Variants in LAMB2 observed in about 807,000 individuals in gnomAD.
LAMB2 encodes laminin subunit beta 2.
LAMB2 carries 119 observed loss-of-function variants against 202.7 expected under a neutral mutation model. The ratio of observed to expected loss-of-function variants is 0.59; its 90% CI spans 0.51 to 0.68. The LOEUF is 0.68. Among genes scored for constraint, LAMB2 ranks in the 30% least tolerant of loss-of-function variants. The pLI, the probability that LAMB2 is intolerant of heterozygous loss-of-function variation, is 0.00. For missense variants in LAMB2, 2,124 were observed against 2,410.6 expected (o/e 0.88, Z 2.49); for synonymous variants, 818 against 902.2 (o/e 0.91, Z 1.67).
Position 49,124,421 on chromosome 3 carries a change from G to C in LAMB2, c.3301C>G (p.Arg1101Gly), listed in dbSNP as rs150234642. Residue 1101 changes from arginine to glycine, a missense_variant, in exon 22 of 32, where the codon CGG (arginine) becomes GGG (glycine). Transcript: ENST00000305544. ...GCQPCACHPS[R>G]ARGPTCNEFT... is the part of the protein sequence containing the mutation. ...TCGTTGCAGGTGGGGCCTCTGGCCC[G>C]GCTTGGGTGGCAGGCACAAGGCTGG... 1.2e-6 allele frequency: 2 copies of C among 1,613,506 alleles called. No homozygotes were observed. The highest frequency in any genetic ancestry group is 1.7e-6 in the Non-Finnish European group (2 of 1,179,922).
At position 49,122,168 on chromosome 3, in the gene LAMB2, C is replaced by T; in HGVS notation, c.4776G>A (p.Arg1592=). The change falls in exon 28 of 32, where the codon CGG becomes CGA. Residue 1592 remains arginine (R), a synonymous_variant. Transcript: ENST00000305544. Reference sequence around the variant, plus strand: ...GGCCAGGGATGGGGTCAGACCTTGCCCGCCGTGCATCCTGCAGTAGCTGCT... The same window carrying T: ...GGCCAGGGATGGGGTCAGACCTTGCTCGCCGTGCATCCTGCAGTAGCTGCT... The part of the protein sequence containing the change: ...RAEQLLQDAR[R]ARSWAEDEKQ... 6.2e-7 allele frequency: 1 copy of T among 1,613,580 alleles called. No homozygotes were observed. Among genetic ancestry groups the T allele is most frequent in the Non-Finnish European group, 8.5e-7 (1 of 1,180,030 alleles).
rs750600086 is a variant in LAMB2 at position 49,124,688 on chromosome 3, C to G, written c.3109+13G>C. On this transcript the variant is annotated intron_variant, in intron 21 of 31. Transcript: ENST00000305544. ...ACCCCAATTCAGCCATGCCCTCCCA[C>G]ACTCATACTCACGGTGACAGCTCTG... The G allele has an allele frequency of 3.7e-6, 6 of 1,614,016 alleles. No homozygotes were observed. Among genetic ancestry groups the G allele is most frequent in the Admixed American group, 1.7e-5 (1 of 60,010 alleles).
At chr3:49,126,273 T>C in intron 16 of LAMB2, 92 bp downstream of exon 16, 1 of 1,605,264 alleles carries the variant, frequency 6.2e-7, no homozygotes, top group Non-Finnish European at 8.5e-7. Flanking sequence ...ACCATGGGCC[T>C]GCCTCTTCTG....
Position 49,128,468 on chromosome 3 carries a change from G to A in LAMB2, c.2008C>T (p.Pro670Ser). ...CACCAGTGCCCTCACCTGGCATGTG[G>A]TTGCAGAGTCCCTTGGATGCGATCA... ...KDDRIQGTLQ[P>S]HARYLIFPNP... Residue 670 changes from proline (P) to serine (S), a missense_variant, in exon 15 of 32, where the codon CCA (proline) becomes TCA (serine). Physicochemically the swap from Pro to Ser is moderately conservative, Grantham distance 74 (BLOSUM62 -1). This residue lies in a region of LAMB2 where 1,702 missense variants were observed against 1,896.3 expected (regional missense o/e 0.90). Transcript: ENST00000305544. 6.2e-7 allele frequency: 1 copy of A among 1,613,986 alleles called. No homozygotes were observed. Among genetic ancestry groups the A allele is most frequent in the South Asian group, 1.1e-5 (1 of 91,064 alleles).
Position 49,123,942 on chromosome 3 carries a change from C to A in LAMB2, c.3583G>T (p.Gly1195Trp), listed in dbSNP as rs137888590. 15 of 1,613,434 alleles carry A rather than the reference C, an allele frequency of 9.3e-6. No individual in the cohort carries two copies. The South Asian group carries it at 1.4e-4, about 15-fold the overall frequency. The change falls in exon 24 of 32, where the codon GGG becomes TGG. Residue 1195 changes from glycine to tryptophan, a missense_variant. Physicochemically the swap from Gly to Trp is radical, Grantham distance 184. Coordinates refer to ENST00000305544, the MANE Select transcript of LAMB2 (RefSeq NM_002292.4). The stretch of plus-strand genomic sequence containing the variant: ...TCCTGCACCACTCGGTCCCAATCCC[C>A]GAAGCATGCATGGCAGGGATGGCAG... The part of the protein sequence containing the change: ...PACHPCHACF[G>W]DWDRVVQDLA...
chr3:49,124,849 C>T lies in LAMB2; in HGVS notation c.2961G>A (p.Glu987=). 1 of 1,614,144 alleles carries T rather than the reference C, an allele frequency of 6.2e-7. No individual in the cohort carries two copies. Among genetic ancestry groups the T allele is most frequent in the Non-Finnish European group, 8.5e-7 (1 of 1,180,026 alleles). ...CCATTGGGTCAATGTTCCCACTGCA[C>T]TCACACAGTTGGCACCGGCCACCTG... The part of the protein sequence containing the change: ...SRPGGRCQLC[E]CSGNIDPMDP... Residue 987 remains glutamate, a synonymous_variant, in exon 21 of 32, where the codon GAG becomes GAA. Coordinates refer to ENST00000305544, the MANE Select transcript of LAMB2 (RefSeq NM_002292.4).
intron 27 of LAMB2, 119 bp downstream of exon 27, chr3:49,122,585 G>A: frequency 3.9e-6 from 4 of 1,014,708 alleles, no homozygotes; most frequent in East Asian, 2.4e-5. Flanking sequence ...GCCAGTCAAG[G>A]GATCATAAAC....
Position 49,124,782 on chromosome 3 carries a change from A to G in LAMB2, c.3028T>C (p.Cys1010Arg). ...TGTGGACCCTCTGTGTGGTGTAAAC[A>G]GCGCAGGCATTGCCCCGTGTGGGGG... ...CDPHTGQCLR[C>R]LHHTEGPHCA... Residue 1010 changes from cysteine to arginine, a missense_variant, in exon 21 of 32, where the codon TGT becomes CGT. This residue lies in a region of LAMB2 where 1,702 missense variants were observed against 1,896.3 expected (regional missense o/e 0.90). Coordinates refer to ENST00000305544, the MANE Select transcript of LAMB2 (RefSeq NM_002292.4). The G allele has an allele frequency of 6.2e-7, 1 of 1,614,218 alleles. No individual in the cohort carries two copies. The highest frequency in any genetic ancestry group is 8.5e-7 in the Non-Finnish European group (1 of 1,180,044).
chr3:49,127,870 A>C (rs994540910), intron 15 of LAMB2, among the ~76,000 whole-genome samples: 1 of 151,026 alleles, frequency 6.6e-6, no homozygotes, highest in Non-Finnish European at 1.5e-5. Context: ...AATACAAAAA[A>C]CTAGCTGGGC....
At position 49,132,770 on chromosome 3, in the gene LAMB2, A is replaced by G. The variant is rs1051027609; in HGVS notation, c.76+22T>C. The G allele has an allele frequency of 5.6e-6, 9 of 1,613,850 alleles. No individual in the cohort carries two copies. In the African/African-American group the frequency reaches 9.3e-5, roughly 17 times the overall value. ...CCTACCATCACATTCCACAACCCCC[A>G]GCCCCCACCAGGCCCTCTCACCGCT... is the stretch of plus-strand genomic sequence containing the variant. On this transcript the variant is annotated intron_variant, in intron 1 of 31. Transcript: ENST00000305544. This position sits in a 1 kb window ranked among gnomAD's most constrained non-coding sequence, Gnocchi z 4.6.
chr3:49,128,255 C>A (rs1298965291), intron 15 of LAMB2, among the ~76,000 whole-genome samples: 1 of 152,224 alleles, frequency 6.6e-6, no homozygotes, highest in Non-Finnish European at 1.5e-5. Flanking sequence ...GGCCTTAGAC[C>A]CCTGAGAGAG....
At position 49,125,904 on chromosome 3, in the gene LAMB2, G is replaced by A; in HGVS notation, c.2345-14C>T. ...TGCACTGACATGCTGTGGGGAGGAG[G>A]GTTGGGCCAAGTCAGGCTGGGTCCC... On this transcript the variant is annotated splice_polypyrimidine_tract_variant and intron_variant, in intron 17 of 31. Coordinates refer to ENST00000305544, the MANE Select transcript of LAMB2 (RefSeq NM_002292.4). 2 of 1,614,096 alleles carry A rather than the reference G, an allele frequency of 1.2e-6. No homozygotes were observed. Among genetic ancestry groups the A allele is most frequent in the South Asian group, 1.1e-5 (1 of 91,082 alleles).
Position 49,125,394 on chromosome 3 carries a change from C to A in LAMB2, c.2579G>T (p.Arg860Leu). 2.5e-6 allele frequency: 4 copies of A among 1,614,050 alleles called. No homozygotes were observed. Among genetic ancestry groups the A allele is most frequent in the Non-Finnish European group, 3.4e-6 (4 of 1,180,046 alleles). The change falls in exon 19 of 32, where the codon CGC (arginine) becomes CTC (leucine). Residue 860 changes from arginine to leucine, a missense_variant. Arg to Leu is a moderately radical substitution (Grantham distance 102). Coordinates refer to ENST00000305544, the MANE Select transcript of LAMB2 (RefSeq NM_002292.4). ...CLCRTGAFGL[R>L]CDRCQRGQWG... ...CTGGCCACGCTGGCAGCGGTCACAG[C>A]GAAGCCCAAAGGCACCAGTTCGACA...
chr3:49,123,319 C>A lies in LAMB2; in HGVS notation c.4037G>T (p.Arg1346Leu). The stretch of plus-strand genomic sequence containing the variant: ...TACTGCCAGGGCTGAGGTATTGGCA[C>A]GACGTTCTGCCTCTGCAGACTGGCT... Reference protein sequence around the residue: ...AHSQSAEAERRANTSALAVPS... With the variant: ...AHSQSAEAERLANTSALAVPS... Residue 1346 changes from arginine (R) to leucine (L), a missense_variant, in exon 26 of 32, where the codon CGT (arginine) becomes CTT (leucine). By Grantham distance (102) the Arg-to-Leu change is moderately radical. Coordinates refer to ENST00000305544, the MANE Select transcript of LAMB2 (RefSeq NM_002292.4). 6.2e-7 allele frequency: 1 copy of A among 1,614,102 alleles called. No individual in the cohort carries two copies. The highest frequency in any genetic ancestry group is 8.5e-7 in the Non-Finnish European group (1 of 1,180,032).
chr3:49,125,492 C>A lies in LAMB2; in HGVS notation c.2489-8G>T. The A allele has an allele frequency of 6.4e-7, 1 of 1,571,994 alleles. No individual in the cohort carries two copies. Among genetic ancestry groups the A allele is most frequent in the Non-Finnish European group, 8.6e-7 (1 of 1,157,616 alleles). On this transcript the variant is annotated splice_region_variant and splice_polypyrimidine_tract_variant and intron_variant, in intron 18 of 31. Transcript: ENST00000305544. ...CGTGGCTGCACTGGCAGGCTAGGAGCAAGGCAGAGCTGAGCCAGAGCCAGG... is the reference window on the plus strand; with the variant it reads ...CGTGGCTGCACTGGCAGGCTAGGAGAAAGGCAGAGCTGAGCCAGAGCCAGG...
Position 49,129,310 on chromosome 3 carries a change from G to A in LAMB2, c.1533C>T (p.Gly511=). ...GCDRCLPGHW[G]LSHDLLGCRP... ...GGCAGCCGAGCAGGTCGTGGCTCAG[G>A]CCCCAGTGGCCAGGCTGCACGAAAG... Residue 511 remains glycine (G), a synonymous_variant, in exon 12 of 32, where the codon GGC becomes GGT. Transcript: ENST00000305544. The surrounding 1 kb of genome is among the most constrained non-coding windows in gnomAD (Gnocchi z 6.1). 6.2e-7 allele frequency: 1 copy of A among 1,612,754 alleles called. No individual in the cohort carries two copies. Among genetic ancestry groups the A allele is most frequent in the Non-Finnish European group, 8.5e-7 (1 of 1,179,548 alleles).
intron 23 of LAMB2, 42 bp from the exon 24 acceptor site, chr3:49,124,142 G>T: frequency 1.2e-6 from 2 of 1,614,124 alleles, no homozygotes; most frequent in South Asian, 1.1e-5. Context: ...TCACTGTGGG[G>T]CATTCTGGGA....
rs1575536998 is a variant in LAMB2, at chr3:49,131,528, C to A, written c.648+7G>T. On this transcript the variant is annotated splice_region_variant and intron_variant, in intron 5 of 31. Transcript: ENST00000305544. This position sits in a 1 kb window ranked among gnomAD's most constrained non-coding sequence, Gnocchi z 5.0. Reference sequence around the variant, plus strand: ...TTCCAGCCCCCAGCCCAGATGCCAGCCCTCACCTCGCCTTCAGTGGATGGC... The same window carrying A: ...TTCCAGCCCCCAGCCCAGATGCCAGACCTCACCTCGCCTTCAGTGGATGGC... 6.2e-7 allele frequency: 1 copy of A among 1,613,944 alleles called. No individual in the cohort carries two copies. The highest frequency in any genetic ancestry group is 1.3e-5 in the African/African-American group (1 of 74,934).
chr3:49,123,218 T>C lies in LAMB2; in HGVS notation c.4138A>G (p.Asn1380Asp). 6.2e-7 allele frequency: 1 copy of C among 1,614,012 alleles called. No individual in the cohort carries two copies. Among genetic ancestry groups the C allele is most frequent in the Non-Finnish European group, 8.5e-7 (1 of 1,180,042 alleles). The change falls in exon 26 of 32, where the codon AAC becomes GAC. Residue 1380 changes from asparagine (N) to aspartate (D), a missense_variant. Coordinates refer to ENST00000305544, the MANE Select transcript of LAMB2 (RefSeq NM_002292.4). ...ALMDAQKEDF[N>D]SKHMANQRAL... ...CGCTGGTTGGCCATGTGTTTGCTGT[T>C]GAAGTCCTCCTTCTGAGCATCCATC...
Sources: gnomAD v4.1 joint callset for allele counts (sites outside exome capture counted in the v4.1 genomes callset) on GRCh38, gnomAD v4.1.1 for gene constraint, gnomAD v4.1.1 regional missense constraint, Gnocchi (gnomAD v3.1) non-coding constraint, MANE v1.5 for transcripts, NCBI Gene and HGNC (gene_info 2026-07-23, HGNC 2026-07-21) for gene names.